Variants in MBOAT2 observed in about 807,000 individuals in gnomAD.
MBOAT2 encodes membrane-bound glycerophospholipid O-acyltransferase 2.
In MBOAT2, 28 loss-of-function variants were observed where a neutral mutation model predicts 63.4. That is an observed-to-expected ratio of 0.44 (90% CI 0.33 to 0.61). MBOAT2 has a LOEUF of 0.61. MBOAT2 is among the 20% of genes least tolerant of loss of function. The pLI, the probability that MBOAT2 is intolerant of heterozygous loss-of-function variation, is 0.03. For synonymous variants in MBOAT2, 211 were observed against 215.6 expected (o/e 0.98, Z 0.19); for missense variants, 470 against 605.8 (o/e 0.78, Z 2.35).
chr2:8,866,831 G>C (rs1344640386), intron 9 of MBOAT2, among the ~76,000 whole-genome samples: 1 of 152,054 alleles, frequency 6.6e-6, no homozygotes. Context: ...CTCTAAATTT[G>C]TAAGTATCTA....
At chr2:8,950,665 G>A (rs576236753) in intron 2 of MBOAT2, among the ~76,000 whole-genome samples, 9 of 152,230 alleles carry the variant, frequency 5.9e-5, no homozygotes, top group Admixed American at 5.9e-4. Context: ...CTGACCTCAT[G>A]ATCCACCCGT....
intron 4 of MBOAT2, among the ~76,000 whole-genome samples, chr2:8,899,717 TAAC>T (rs1664769058): frequency 6.6e-6 from 1 of 152,188 alleles, no homozygotes; most frequent in Non-Finnish European, 1.5e-5. Flanking sequence ...ACCACACTCT[TAAC>T]AAATCCTACC....
chr2:8,914,830 ATGATAT>A (rs1666030712), intron 3 of MBOAT2, among the ~76,000 whole-genome samples: 1 of 151,960 alleles, frequency 6.6e-6, no homozygotes, highest in Non-Finnish European at 1.5e-5. Context: ...TACACTTGAA[ATGATAT>A]TATTTTGGCT....
At chr2:8,962,132 C>G (rs575900036) in intron 1 of MBOAT2, among the ~76,000 whole-genome samples, 4 of 152,346 alleles carry the variant, frequency 2.6e-5, no homozygotes, top group Middle Eastern at 6.8e-3. Flanking sequence ...ACACTCTAAG[C>G]ACCTTACATT....
At position 8,882,560 on chromosome 2, in the gene MBOAT2, A is replaced by G. The variant is rs1663219023; in HGVS notation, c.457T>C (p.Phe153Leu). Residue 153 changes from phenylalanine (F) to leucine (L), a missense_variant, in exon 6 of 13, where the codon TTT becomes CTT. Transcript: ENST00000305997. ...GAAGTCAGTTCTTCATCCTTCCGAA[A>G]CATCCCTGAGAAACAAAAATAGGTA... ...SLACEIHDGM[F>L]RKDEELTSSQ... The G allele has an allele frequency of 6.2e-7, 1 of 1,614,226 alleles. No homozygotes were observed. Among genetic ancestry groups the G allele is most frequent in the East Asian group, 2.2e-5 (1 of 44,888 alleles).
intron 3 of MBOAT2, among the ~76,000 whole-genome samples, chr2:8,912,361 GAAAGAAAGAAAGAGAAAGAAAGAA>G (rs1665817711): frequency 9.8e-4 from 103 of 105,004 alleles, no homozygotes; most frequent in Non-Finnish European, 1.7e-3. Context: ...GAGAAAGAAA[GAAAGAAAGAAAGAGAAAGAAAGAA>G]AGAAAGAAAG....
intron 2 of MBOAT2, among the ~76,000 whole-genome samples, chr2:8,946,715 T>C (rs1668440048): frequency 6.6e-6 from 1 of 152,244 alleles, no homozygotes; most frequent in Non-Finnish European, 1.5e-5. Context: ...ATTACTACTG[T>C]AATCGTTTGG....
At chr2:8,940,773 C>T (rs990991938) in intron 3 of MBOAT2, among the ~76,000 whole-genome samples, 5 of 151,674 alleles carry the variant, frequency 3.3e-5, no homozygotes, top group Admixed American at 6.6e-5. Context: ...TCATAAAGAG[C>T]ATAAAGCAAA....
chr2:8,908,401 T>C, intron 4 of MBOAT2: 1 of 399,412 alleles, frequency 2.5e-6, no homozygotes, highest in Non-Finnish European at 4.5e-6. Flanking sequence ...CCAAAGGAAG[T>C]TCCATTAGGC....
intron 4 of MBOAT2, among the ~76,000 whole-genome samples, chr2:8,891,228 C>G (rs1473384980): frequency 6.6e-6 from 1 of 152,132 alleles, no homozygotes; most frequent in South Asian, 2.1e-4. Flanking sequence ...AACAGAAAGA[C>G]AGAAGACAAA....
At chr2:8,873,415 G>T (rs1196024678) in intron 7 of MBOAT2, 115 bp from the exon 8 acceptor site, 2 of 1,090,000 alleles carry the variant, frequency 1.8e-6, no homozygotes, top group Admixed American at 3.0e-5. Flanking sequence ...CAACTCTCCT[G>T]GTCAAAATTC....
chr2:8,860,517 G>T, intron 12 of MBOAT2, 96 bp downstream of exon 12: 1 of 1,212,734 alleles, frequency 8.2e-7, no homozygotes, highest in Non-Finnish European at 1.2e-6. Flanking sequence ...AGGAAATGTG[G>T]CTATGGTACT....
In MBOAT2 at chr2:8,909,997, A is replaced by C. The variant is rs79289794; in HGVS notation, c.300-1281T>G. On this transcript the variant is annotated intron_variant, in intron 3 of 12. Coordinates refer to ENST00000305997, the MANE Select transcript of MBOAT2 (RefSeq NM_138799.4). ...TTCTGTGGGCTGGCCTTCTAACTGC[A>C]CAGACCAGCGGATTACAGAAGCAAC... 4.6e-5 allele frequency among the ~76,000 whole-genome samples: 7 copies of C among 152,294 alleles called. 1 individual carries two copies. The East Asian group carries it at 1.4e-3, about 29-fold the overall frequency.
chr2:8,873,156 T>C lies in MBOAT2; in HGVS notation c.835A>G (p.Ile279Val). 3.7e-6 allele frequency: 6 copies of C among 1,614,170 alleles called. No homozygotes were observed. The highest frequency in any genetic ancestry group is 5.1e-6 in the Non-Finnish European group (6 of 1,180,034). ...SWPTKIIYLY[I>V]SLLAARPKYY... ...TTGGGTCTGGCAGCCAAAAGAGAGA[T>C]ATACAGATAGATAATCTTTGTTGGC... Residue 279 changes from isoleucine (I) to valine (V), a missense_variant, in exon 8 of 13, where the codon ATC (isoleucine) becomes GTC (valine). By Grantham distance (29) the Ile-to-Val change is conservative. Transcript: ENST00000305997.
intron 9 of MBOAT2, among the ~76,000 whole-genome samples, chr2:8,867,503 G>T (rs1414796289): frequency 6.6e-6 from 1 of 152,116 alleles, no homozygotes; most frequent in Non-Finnish European, 1.5e-5. Flanking sequence ...ACCATGATCT[G>T]CCTCGTGGAC....
At chr2:8,951,755 T>C (rs1334955626) in intron 2 of MBOAT2, among the ~76,000 whole-genome samples, 2 of 152,242 alleles carry the variant, frequency 1.3e-5, no homozygotes, top group African/African-American at 4.8e-5. Flanking sequence ...TCTTTTTGTA[T>C]TTCTGTGGGA....
At chr2:8,986,725 A>G (rs993637393) in intron 1 of MBOAT2, among the ~76,000 whole-genome samples, 4 of 152,118 alleles carry the variant, frequency 2.6e-5, no homozygotes, top group Non-Finnish European at 4.4e-5. Flanking sequence ...TTTGGATTCC[A>G]TGAGGTTGTG....
chr2:8,895,067 TG>T (rs1375561785), intron 4 of MBOAT2, among the ~76,000 whole-genome samples: 1 of 152,226 alleles, frequency 6.6e-6, no homozygotes, highest in Non-Finnish European at 1.5e-5. Flanking sequence ...ATAAAGGCGG[TG>T]GGGACCCAAA....
intron 3 of MBOAT2, among the ~76,000 whole-genome samples, chr2:8,936,087 A>G (rs1573097840): frequency 6.6e-6 from 1 of 152,166 alleles, no homozygotes; most frequent in East Asian, 1.9e-4. Context: ...TGTTCCCTCC[A>G]GGATGCCCCC....
Sources: allele counts gnomAD v4.1 joint callset (sites outside exome capture counted in the v4.1 genomes callset), GRCh38; gene constraint gnomAD v4.1.1; transcripts MANE v1.5; gene names NCBI Gene and HGNC (gene_info 2026-07-23, HGNC 2026-07-21).